The following HABP2 variants were observed in gnomAD, a reference collection of about 807,000 sequenced individuals.
HABP2 encodes factor VII-activating protease.
HABP2 carries 65 observed loss-of-function variants against 66.5 expected under a neutral mutation model. That is an observed-to-expected ratio of 0.98 (90% CI 0.80 to 1.20). The LOEUF (loss-of-function observed/expected upper bound fraction) is 1.20, where lower values mean the gene tolerates loss of function less well. HABP2 is among the 50% of genes most tolerant of loss of function. The pLI is 0.00. For missense variants in HABP2, 786 were observed against 691.0 expected (o/e 1.14, Z -1.54); for synonymous variants, 263 against 253.9 (o/e 1.04, Z -0.34).
chr10:113,550,853 G>A (rs1315212164), upstream of HABP2: 1 of 152,160 alleles, frequency 6.6e-6, no homozygotes, highest in Non-Finnish European at 1.5e-5. Flanking sequence ...AACCACTAAC[G>A]AAAATTAACT....
At chr10:113,571,347 A>C (rs1412432872) in intron 2 of HABP2, among the ~76,000 whole-genome samples, 1 of 152,172 alleles carries the variant, frequency 6.6e-6, no homozygotes, top group East Asian at 1.9e-4. Flanking sequence ...CGTTGTCCAC[A>C]TGTTCTCATT....
rs11575714 is a variant in HABP2 at position 113,568,791 on chromosome 10, A to G, written c.106+1266A>G. Among the ~76,000 whole-genome samples, 501 of 152,300 alleles carry G rather than the reference A, an allele frequency of 3.3e-3. 2 individuals are homozygous for G. The highest frequency in any genetic ancestry group is 0.011 in the African/African-American group (477 of 41,572). On this transcript the variant is annotated intron_variant, in intron 2 of 12. Transcript: ENST00000351270. Reference sequence around the variant, plus strand: ...ATCCCTGGGTCTGATTTTCAGAGATACAGGGCTGTGGGAGCTATGGGGTGA... The same window carrying G: ...ATCCCTGGGTCTGATTTTCAGAGATGCAGGGCTGTGGGAGCTATGGGGTGA...
chr10:113,582,983 T>A (rs889931550), intron 9 of HABP2, among the ~76,000 whole-genome samples: 1 of 152,222 alleles, frequency 6.6e-6, no homozygotes, highest in African/African-American at 2.4e-5. Context: ...CTAGGGAGAA[T>A]GGGAGGTCTC....
At chr10:113,576,423 A>C (rs1052072593) in intron 4 of HABP2, among the ~76,000 whole-genome samples, 3 of 152,224 alleles carry the variant, frequency 2.0e-5, no homozygotes, top group African/African-American at 4.8e-5. Flanking sequence ...TCAAGGTCAC[A>C]CAGCTAGCTA....
chr10:113,583,346 C>T lies in HABP2; in HGVS notation c.1225C>T (p.His409Tyr). The T allele has an allele frequency of 6.2e-7, 1 of 1,612,862 alleles. No homozygotes were observed. The highest frequency in any genetic ancestry group is 8.5e-7 in the Non-Finnish European group (1 of 1,178,842). ...CTACAATGAAAGAGATGAGATTCCC[C>T]ACAATGATATTGGCAAGTTCCTCTT... ...SHYNERDEIP[H>Y]NDIALLKLKP... The change falls in exon 10 of 13, where the codon CAC becomes TAC. Residue 409 changes from histidine (H) to tyrosine (Y), a missense_variant. Physicochemically the swap from His to Tyr is moderately conservative, Grantham distance 83 (BLOSUM62 2). Coordinates refer to ENST00000351270, the MANE Select transcript of HABP2 (RefSeq NM_004132.5).
rs1382380648 is a variant in HABP2 at position 113,581,901 on chromosome 10, C to T, written c.864C>T (p.Pro288=). Residue 288 remains proline (P), a synonymous_variant, in exon 9 of 13, where the codon CCC becomes CCT. Transcript: ENST00000351270. ...ACGTTGCCTACCCAGAGGAAAGCCC[C>T]ACTGAGCCATCAACCAAGCTTCCGG... ...AQDVAYPEES[P]TEPSTKLPGF... 2 of 1,614,158 alleles carry T rather than the reference C, an allele frequency of 1.2e-6. No homozygotes were observed. The highest frequency in any genetic ancestry group is 2.2e-5 in the South Asian group (2 of 91,086).
chr10:113,580,810 A>G, intron 8 of HABP2, 118 bp downstream of exon 8: 3 of 627,752 alleles, frequency 4.8e-6, no homozygotes, highest in Non-Finnish European at 8.6e-6. Context: ...TGCTTTACCA[A>G]TTCCCATCCC....
chr10:113,564,931 C>T (rs1206931359), intron 1 of HABP2, among the ~76,000 whole-genome samples: 3 of 152,100 alleles, frequency 2.0e-5, no homozygotes, highest in Non-Finnish European at 2.9e-5. Context: ...GCTGCAAGCT[C>T]TGCCTCCTGG....
chr10:113,558,819 G>A (rs892804473), intron 1 of HABP2, among the ~76,000 whole-genome samples: 1 of 152,108 alleles, frequency 6.6e-6, no homozygotes, highest in Non-Finnish European at 1.5e-5. Flanking sequence ...GCGGCCCCAC[G>A]CTCAGCTGTG....
intron 1 of HABP2, among the ~76,000 whole-genome samples, chr10:113,567,030 T>C (rs1469768822): frequency 6.6e-6 from 1 of 152,204 alleles, no homozygotes; most frequent in African/African-American, 2.4e-5. Context: ...GATTTCAGCA[T>C]GAATTCCGAA....
At chr10:113,566,987 TC>T (rs1003944533) in intron 1 of HABP2, among the ~76,000 whole-genome samples, 16 of 152,214 alleles carry the variant, frequency 1.1e-4, no homozygotes, top group African/African-American at 3.6e-4. Context: ...CCATCCCCAA[TC>T]CCCAGGAACT....
chr10:113,574,524 G>A lies in HABP2; in HGVS notation c.223+119G>A, dbSNP rs560594655. The A allele has an allele frequency of 1.6e-5, 10 of 611,220 alleles. No individual in the cohort carries two copies. In the South Asian group the frequency reaches 2.1e-4, roughly 13 times the overall value. 37.9% of individuals were successfully genotyped at this position (611,220 alleles called of 1,614,324 possible). A position where few individuals can be genotyped will look rare whatever the true frequency, so the allele number is the denominator to read the frequency against. ...CTGGCCAGTATTGTGAAATAGCTATGGAAGAAATTATTTGGACTGGCTTTT... is the reference window on the plus strand; with the variant it reads ...CTGGCCAGTATTGTGAAATAGCTATAGAAGAAATTATTTGGACTGGCTTTT... On this transcript the variant is annotated intron_variant, in intron 3 of 12. Coordinates refer to ENST00000351270, the MANE Select transcript of HABP2 (RefSeq NM_004132.5).
In HABP2 at chr10:113,589,007, G is replaced by C. The variant is rs1482024495; in HGVS notation, c.*638G>C. ...AGCAGGGCCTTCTTCTTTTTGACGT[G>C]CAGAATCTCAGTGGCATCTGGGTTC... On this transcript the variant is annotated 3_prime_UTR_variant, in exon 13 of 13. Transcript: ENST00000351270. 1.2e-6 allele frequency: 2 copies of C among 1,613,894 alleles called. No individual in the cohort carries two copies. Among genetic ancestry groups the C allele is most frequent in the Admixed American group, 1.7e-5 (1 of 60,008 alleles).
In HABP2 at chr10:113,578,636, A is replaced by G; in HGVS notation, c.578A>G (p.Asp193Gly). 1 of 1,611,558 alleles carries G rather than the reference A, an allele frequency of 6.2e-7. No homozygotes were observed. The highest frequency in any genetic ancestry group is 8.5e-7 in the Non-Finnish European group (1 of 1,178,438). Residue 193 changes from aspartate (D) to glycine (G), a missense_variant, in exon 7 of 13, where the codon GAC becomes GGC. Asp to Gly is a moderately conservative substitution (Grantham distance 94). Coordinates refer to ENST00000351270, the MANE Select transcript of HABP2 (RefSeq NM_004132.5). Reference protein sequence around the residue: ...KGKFCEIGSDDCYVGDGYSYR... With the variant: ...KGKFCEIGSDGCYVGDGYSYR... ...ACCTGCTCTCTCGGAGGTTCTGATG[A>G]CTGCTATGTTGGCGATGGCTACTCT...
chr10:113,575,720 A>G (rs183674834), intron 3 of HABP2, among the ~76,000 whole-genome samples, 177 bp from the exon 4 acceptor site: 5 of 152,248 alleles, frequency 3.3e-5, no homozygotes, highest in Admixed American at 6.5e-5. Context: ...TGGTCAGGTG[A>G]CTGCAGTTTT....
chr10:113,567,542 C>T lies in HABP2; in HGVS notation c.106+17C>T, dbSNP rs771377851. ...TGGACCCAGGTAAGTGTGCTGATCT[C>T]CCTGGGGCTTCCCACCAATCCCAGG... is the stretch of plus-strand genomic sequence containing the variant. On this transcript the variant is annotated intron_variant, in intron 2 of 12. Coordinates refer to ENST00000351270, the MANE Select transcript of HABP2 (RefSeq NM_004132.5). 7 of 1,593,120 alleles carry T rather than the reference C, an allele frequency of 4.4e-6. No individual in the cohort carries two copies. In the East Asian group the frequency reaches 1.3e-4, roughly 30 times the overall value.
At chr10:113,578,429 C>A (rs1845454427) in intron 6 of HABP2, among the ~76,000 whole-genome samples, 198 bp from the exon 7 acceptor site, 1 of 152,220 alleles carries the variant, frequency 6.6e-6, no homozygotes, top group Non-Finnish European at 1.5e-5. Context: ...CCACACCCTA[C>A]AACCACTATA....
At chr10:113,577,027 T>C (rs1323160916) in intron 4 of HABP2, 123 bp from the exon 5 acceptor site, 2 of 702,846 alleles carry the variant, frequency 2.8e-6, no homozygotes, top group Non-Finnish European at 5.2e-6. Flanking sequence ...GCCCAGTGTT[T>C]CAGGACCACG....
intron 1 of HABP2, among the ~76,000 whole-genome samples, chr10:113,562,144 T>C (rs537364476): frequency 6.6e-6 from 1 of 152,276 alleles, no homozygotes; most frequent in African/African-American, 2.4e-5. Flanking sequence ...TCTTGCTAAA[T>C]ATACTACAAA....
Sources: allele counts gnomAD v4.1 joint callset (sites outside exome capture counted in the v4.1 genomes callset), GRCh38; gene constraint gnomAD v4.1.1; transcripts MANE v1.5; gene names NCBI Gene and HGNC (gene_info 2026-07-23, HGNC 2026-07-21).